ASIC2: variants seen among roughly 807,000 people sequenced by gnomAD.
The protein encoded by ASIC2 is acid-sensing ion channel 2.
ASIC2 carries 25 observed loss-of-function variants against 57.3 expected under a neutral mutation model. The ratio of observed to expected loss-of-function variants is 0.44; its 90% CI spans 0.32 to 0.61. ASIC2 has a LOEUF of 0.61. Among genes scored for constraint, ASIC2 ranks in the 20% least tolerant of loss-of-function variants. The pLI, the probability that ASIC2 is intolerant of heterozygous loss-of-function variation, is 0.06. For synonymous variants in ASIC2, 319 were observed against 307.5 expected (o/e 1.04, Z -0.39); for missense variants, 641 against 738.1 (o/e 0.87, Z 1.52).
intron 1 of ASIC2, among the ~76,000 whole-genome samples, chr17:33,975,947 C>A (rs940563306): frequency 6.6e-6 from 1 of 151,894 alleles, no homozygotes; most frequent in African/African-American, 2.4e-5. Context: ...CTTCTCAGTA[C>A]CCCCAAAATC....
Position 33,692,598 on chromosome 17 carries a change from G to A in ASIC2, c.555+463380C>T, listed in dbSNP as rs925703109. On this transcript the variant is annotated intron_variant, in intron 1 of 9. Coordinates refer to the ASIC2 transcript ENST00000359872. ...ACAGTATAAAAGATTTTTTAAACCA[G>A]TACACCTGTATAGGGTACTTACCAT... 4.6e-5 allele frequency: 7 copies of A among 152,268 alleles called. No homozygotes were observed. In the East Asian group the frequency reaches 1.4e-3, roughly 29 times the overall value. The allele number at this position is 152,268 out of a possible 1,614,324, so 9.4% of individuals were successfully genotyped here.
intron 1 of ASIC2, chr17:34,038,553 A>G: frequency 1.2e-6 from 2 of 1,610,020 alleles, no homozygotes; most frequent in East Asian, 4.5e-5. Flanking sequence ...TGTAACAACA[A>G]ATATCTGTCA....
intron 1 of ASIC2, among the ~76,000 whole-genome samples, chr17:33,795,285 C>T (rs1314570033): frequency 1.3e-5 from 2 of 152,198 alleles, no homozygotes; most frequent in African/African-American, 2.4e-5. Flanking sequence ...GGTCCAAAGG[C>T]CCAGCCCTTC....
rs189793025 is a variant in ASIC2, at chr17:33,651,031, T to C, written c.555+504947A>G. ...CTCTGCATTATCTCTTATTATTTCTTATAGCTGCATGTAAATCTAAAAGTA... is the reference window on the plus strand; with the variant it reads ...CTCTGCATTATCTCTTATTATTTCTCATAGCTGCATGTAAATCTAAAAGTA... On this transcript the variant is annotated intron_variant, in intron 1 of 9. Transcript: ENST00000359872. 2.0e-5 allele frequency among the ~76,000 whole-genome samples: 3 copies of C among 152,346 alleles called. No individual in the cohort carries two copies. In the East Asian group the frequency reaches 5.8e-4, roughly 29 times the overall value.
intron 3 of ASIC2, among the ~76,000 whole-genome samples, chr17:33,068,781 C>A (rs2092054958): frequency 6.6e-6 from 1 of 151,824 alleles, no homozygotes; most frequent in Non-Finnish European, 1.5e-5. Context: ...TTATTAATAT[C>A]AAAAAAAATC....
chr17:33,695,216 C>T (rs1417328131), intron 1 of ASIC2, among the ~76,000 whole-genome samples: 1 of 152,036 alleles, frequency 6.6e-6, no homozygotes, highest in Non-Finnish European at 1.5e-5. Context: ...TGGTAGATAT[C>T]AATTAAATAC....
At chr17:33,951,841 G>A (rs768646769) in intron 1 of ASIC2, among the ~76,000 whole-genome samples, 8 of 150,848 alleles carry the variant, frequency 5.3e-5, no homozygotes, top group African/African-American at 1.2e-4. Flanking sequence ...TTATCCACCC[G>A]TCTTGGCCTC....
chr17:34,151,353 T>C (rs1904519707), intron 1 of ASIC2, among the ~76,000 whole-genome samples: 1 of 152,162 alleles, frequency 6.6e-6, no homozygotes, highest in Non-Finnish European at 1.5e-5. Context: ...AGTTCTACAA[T>C]GGCAAGGCTT....
At position 34,095,713 on chromosome 17, in the gene ASIC2, T is replaced by G. The variant is rs906691350; in HGVS notation, c.555+60265A>C. Among the ~76,000 whole-genome samples, 18 of 139,302 alleles carry G rather than the reference T, an allele frequency of 1.3e-4. No homozygotes were observed. In the East Asian group the frequency reaches 3.5e-3, roughly 27 times the overall value. The allele number at this position is 139,302 out of a possible 152,430, so 91.4% of individuals were successfully genotyped here. On this transcript the variant is annotated intron_variant, in intron 1 of 9. Transcript: ENST00000359872. ...TAATTTTATATAGAGATATATAATT[T>G]TATATATAGAGAGATATATATATAA...
intron 1 of ASIC2, among the ~76,000 whole-genome samples, chr17:33,805,249 C>T (rs1912236648): frequency 6.6e-6 from 1 of 152,130 alleles, no homozygotes; most frequent in Non-Finnish European, 1.5e-5. Context: ...TTTGACTTTG[C>T]CCAGGAACCT....
intron 3 of ASIC2, among the ~76,000 whole-genome samples, chr17:33,084,058 C>T (rs1333157004): frequency 2.0e-5 from 3 of 152,096 alleles, no homozygotes; most frequent in Non-Finnish European, 2.9e-5. Context: ...CATAATTTAC[C>T]TTATAAGCAT....
Position 33,014,081 on chromosome 17 carries a change from T to G in ASIC2, c.1591-15A>C, listed in dbSNP as rs1433832703. The G allele has an allele frequency of 6.4e-7, 1 of 1,565,218 alleles. No homozygotes were observed. On this transcript the variant is annotated splice_polypyrimidine_tract_variant and intron_variant, in intron 9 of 9. Transcript: ENST00000225823. ...TCACAAGTACTCTGGAAGGGAAGGG[T>G]TGGTGGGAGTTTATTATTCGCTCAG...
chr17:33,308,982 C>T (rs1906294620), intron 1 of ASIC2, among the ~76,000 whole-genome samples: 1 of 152,196 alleles, frequency 6.6e-6, no homozygotes, highest in Admixed American at 6.5e-5. Flanking sequence ...GAACAGATTT[C>T]TCTGATTCCA....
chr17:33,959,531 G>A (rs993167864), intron 1 of ASIC2, among the ~76,000 whole-genome samples: 9 of 152,052 alleles, frequency 5.9e-5, no homozygotes, highest in Non-Finnish European at 7.3e-5. Context: ...CCTTCAGTCT[G>A]TTGCCAAAGG....
chr17:33,950,130 G>A (rs755953534), intron 1 of ASIC2, among the ~76,000 whole-genome samples: 25 of 152,232 alleles, frequency 1.6e-4, no homozygotes, highest in Non-Finnish European at 2.9e-4. Flanking sequence ...CTCAGAGGGT[G>A]TGTTAAGAAA....
intron 1 of ASIC2, among the ~76,000 whole-genome samples, chr17:33,124,511 T>C (rs1197737268): frequency 6.6e-6 from 1 of 152,222 alleles, no homozygotes; most frequent in Non-Finnish European, 1.5e-5. Flanking sequence ...AGTTGGCAAG[T>C]TAGATAAACA....
At chr17:33,914,945 G>A (rs1451712535) in intron 1 of ASIC2, among the ~76,000 whole-genome samples, 1 of 152,162 alleles carries the variant, frequency 6.6e-6, no homozygotes, top group South Asian at 2.1e-4. Context: ...CTTTCGGAAG[G>A]CATGATCCAT....
chr17:33,786,236 G>A lies in ASIC2; in HGVS notation c.555+369742C>T, dbSNP rs116825248. ...GACCCTGAAATAGAAGGTGAGCCCT[G>A]AGTTACCCTTTCTGGTAATGGACAG... On this transcript the variant is annotated intron_variant, in intron 1 of 9. Transcript: ENST00000359872. Among the ~76,000 whole-genome samples the A allele has an allele frequency of 7.8e-3, 1,189 of 152,228 alleles. 15 individuals are homozygous for A. The highest frequency in any genetic ancestry group is 0.027 in the African/African-American group (1,113 of 41,534).
chr17:33,966,722 G>T (rs1382010887), intron 1 of ASIC2, among the ~76,000 whole-genome samples: 1 of 152,228 alleles, frequency 6.6e-6, no homozygotes, highest in East Asian at 1.9e-4. Flanking sequence ...CTGCAGGAAT[G>T]CTGCTTCTTT....
Sources: gnomAD v4.1 joint callset for allele counts (sites outside exome capture counted in the v4.1 genomes callset) on GRCh38, gnomAD v4.1.1 for gene constraint, MANE v1.5 for transcripts, NCBI Gene and HGNC (gene_info 2026-07-23, HGNC 2026-07-21) for gene names.